RABGEF1: variants seen among roughly 807,000 people sequenced by gnomAD.
RABGEF1 encodes RAB guanine nucleotide exchange factor 1, also known as rab5 GDP/GTP exchange factor.
Under a neutral mutation model 57.3 loss-of-function variants are expected in RABGEF1, and 26 were observed. The ratio of observed to expected loss-of-function variants is 0.45; its 90% CI spans 0.33 to 0.63. The LOEUF (loss-of-function observed/expected upper bound fraction) is 0.63. RABGEF1 is among the 20% of genes least tolerant of loss of function. The pLI, the probability that RABGEF1 is intolerant of heterozygous loss-of-function variation, is 0.02. For missense variants in RABGEF1, 464 were observed against 607.6 expected, an observed-to-expected ratio of 0.76 and a Z score of 2.48; for synonymous variants, 185 against 210.7, an observed-to-expected ratio of 0.88 and a Z score of 1.06.
intron 2 of RABGEF1, among the ~76,000 whole-genome samples, chr7:66,725,716 C>G (rs1399071465): frequency 2.0e-5 from 3 of 152,146 alleles, no homozygotes; most frequent in African/African-American, 7.2e-5. Context: ...TCCTAGGAAG[C>G]TGGTATGACA....
rs71997947 is a variant in RABGEF1 at position 66,806,640 on chromosome 7, C to CTT, written c.1077+1264_1077+1265dup. The stretch of plus-strand genomic sequence containing the variant: ...ATGAGATTAGAAGTACTCATATATC[C>CTT]TTTTTTTTTTTTTTTTTTTTTGAGA... On this transcript the variant is annotated intron_variant, in intron 8 of 8. Coordinates refer to ENST00000284957, the MANE Select transcript of RABGEF1 (RefSeq NM_014504.3). Among the ~76,000 whole-genome samples the CTT allele has an allele frequency of 2.9e-3, 334 of 114,614 alleles. 6 individuals are homozygous for CTT. Among genetic ancestry groups the CTT allele is most frequent in the East Asian group, 0.01 (41 of 3,950 alleles). The allele number at this position is 114,614 out of a possible 152,430, so 75.2% of individuals were successfully genotyped here. A position where few individuals can be genotyped will look rare whatever the true frequency, so the allele number is the denominator to read the frequency against.
chr7:66,736,291 A>T (rs1797935280), upstream of RABGEF1, among the ~76,000 whole-genome samples: 1 of 152,206 alleles, frequency 6.6e-6, no homozygotes, highest in African/African-American at 2.4e-5. Context: ...GAGAGGAGAA[A>T]CAAGGATGGA....
chr7:66,699,164 G>A (rs1487911344), intron 1 of RABGEF1, among the ~76,000 whole-genome samples: 1 of 152,118 alleles, frequency 6.6e-6, no homozygotes, highest in East Asian at 1.9e-4. Flanking sequence ...TCTCTCCCCC[G>A]AGCTCTGGCT....
chr7:66,783,908 A>G, intron 4 of RABGEF1, 67 bp downstream of exon 4: 1 of 1,377,476 alleles, frequency 7.3e-7, no homozygotes, highest in Non-Finnish European at 9.7e-7. Flanking sequence ...GAGATAATAT[A>G]GTGCAACCTT....
intron 1 of RABGEF1, among the ~76,000 whole-genome samples, chr7:66,752,549 C>T (rs1801686253): frequency 6.6e-6 from 1 of 151,978 alleles, no homozygotes; most frequent in Admixed American, 6.6e-5. Flanking sequence ...CTCATGGTTC[C>T]TCATATTCAG....
chr7:66,677,315 C>T (rs1481413845), upstream of RABGEF1, among the ~76,000 whole-genome samples: 1 of 152,142 alleles, frequency 6.6e-6, no homozygotes, highest in Non-Finnish European at 1.5e-5. Flanking sequence ...AAACTAGAAG[C>T]TTTTCCACTA....
At chr7:66,735,596 T>TGG (rs34091698) in intron 2 of RABGEF1, among the ~76,000 whole-genome samples, 1 of 151,916 alleles carries the variant, frequency 6.6e-6, no homozygotes, top group African/African-American at 2.4e-5. Flanking sequence ...AGGATCATTG[T>TGG]GGGGGGGGTT....
chr7:66,755,008 C>T (rs1233743523), intron 1 of RABGEF1, among the ~76,000 whole-genome samples: 2 of 151,908 alleles, frequency 1.3e-5, no homozygotes, highest in East Asian at 1.9e-4. Flanking sequence ...GATCCTGTCT[C>T]TGTTGGCCAG....
upstream of RABGEF1, among the ~76,000 whole-genome samples, chr7:66,737,337 C>G (rs1384396574): frequency 6.6e-6 from 1 of 152,012 alleles, no homozygotes; most frequent in African/African-American, 2.4e-5. Flanking sequence ...TCACTACATC[C>G]TTAATCTCCT....
chr7:66,743,552 A>C lies in RABGEF1; in HGVS notation c.-18+2760A>C, dbSNP rs1180249766. ...AATCTGGCTCTGTCGCCCAGGCTGG[A>C]GTGCAGTGGCGCGATCTCGGCTCAC... is the stretch of plus-strand genomic sequence containing the variant. On this transcript the variant is annotated intron_variant, in intron 1 of 8. Coordinates refer to ENST00000284957, the MANE Select transcript of RABGEF1 (RefSeq NM_014504.3). Among the ~76,000 whole-genome samples, 4 of 152,036 alleles carry C rather than the reference A, an allele frequency of 2.6e-5. No individual in the cohort carries two copies. The East Asian group carries it at 7.7e-4, about 29-fold the overall frequency.
At chr7:66,693,868 C>T (rs552344399) in intron 1 of RABGEF1, among the ~76,000 whole-genome samples, 5 of 150,208 alleles carry the variant, frequency 3.3e-5, no homozygotes, top group South Asian at 2.1e-4. Context: ...AGTGCAGTGG[C>T]GAGATCTCGG....
chr7:66,738,926 C>T (rs1462208859), upstream of RABGEF1, among the ~76,000 whole-genome samples: 4 of 152,084 alleles, frequency 2.6e-5, no homozygotes, highest in Non-Finnish European at 4.4e-5. Context: ...CCTCCACCTC[C>T]TCAGCACAGG....
chr7:66,659,860 A>G, the RABGEF1 span, among the ~76,000 whole-genome samples: 18 of 152,170 alleles, frequency 1.2e-4, no homozygotes, highest in South Asian at 3.7e-3. Context: ...AAGGACCTAC[A>G]AAAAGAAGAA....
chr7:66,708,053 A>G (rs9986881), intron 1 of RABGEF1, among the ~76,000 whole-genome samples: 51,633 of 151,880 alleles, frequency 0.34, 9,211 homozygotes, highest in East Asian at 0.41. Flanking sequence ...TAACCCATTT[A>G]ATTTAATGTA....
At chr7:66,801,017 A>G (rs1269425663) in intron 7 of RABGEF1, among the ~76,000 whole-genome samples, 8 of 152,258 alleles carry the variant, frequency 5.3e-5, no homozygotes, top group Non-Finnish European at 8.8e-5. Flanking sequence ...CTGACAAGTA[A>G]CAAATACGAG....
chr7:66,766,042 G>C (rs1010828194), intron 1 of RABGEF1, among the ~76,000 whole-genome samples: 4 of 152,170 alleles, frequency 2.6e-5, no homozygotes, highest in African/African-American at 9.7e-5. Flanking sequence ...AGGGACATCA[G>C]GATGATAATG....
chr7:66,781,778 T>C lies in RABGEF1; in HGVS notation c.347-1897T>C, dbSNP rs192235127. ...TTTTGCCATGCAAATTCTGGTCACATTGGCCTCCGTGAACTCCAAATGCTA... is the reference window on the plus strand; with the variant it reads ...TTTTGCCATGCAAATTCTGGTCACACTGGCCTCCGTGAACTCCAAATGCTA... On this transcript the variant is annotated intron_variant, in intron 3 of 8. Coordinates refer to ENST00000284957, the MANE Select transcript of RABGEF1 (RefSeq NM_014504.3). Among the ~76,000 whole-genome samples, 21 of 152,326 alleles carry C rather than the reference T, an allele frequency of 1.4e-4. No individual in the cohort carries two copies. The East Asian group carries it at 3.3e-3, about 24-fold the overall frequency.
the RABGEF1 span, among the ~76,000 whole-genome samples, chr7:66,676,158 A>G: frequency 6.6e-6 from 1 of 152,188 alleles, no homozygotes; most frequent in Non-Finnish European, 1.5e-5. Context: ...CATCTCCACT[A>G]AAAATACAAA....
chr7:66,675,362 G>A, the RABGEF1 span, among the ~76,000 whole-genome samples: 8 of 151,996 alleles, frequency 5.3e-5, no homozygotes, highest in Non-Finnish European at 1.2e-4. Flanking sequence ...CCTGGGAGGC[G>A]GAGGTTGCAG....
Sources: allele counts gnomAD v4.1 joint callset (sites outside exome capture counted in the v4.1 genomes callset), GRCh38; gene constraint gnomAD v4.1.1; transcripts MANE v1.5; gene names NCBI Gene and HGNC (gene_info 2026-07-23, HGNC 2026-07-21).